The following PLXDC2 variants were observed in gnomAD, a reference collection of about 807,000 sequenced individuals.
PLXDC2 encodes the protein plexin domain-containing protein 2.
PLXDC2 carries 40 observed loss-of-function variants against 68.9 expected under a neutral mutation model. The observed-to-expected ratio is 0.58, with a 90% CI of 0.45 to 0.76. PLXDC2 has a LOEUF of 0.76. PLXDC2 is among the 30% of genes least tolerant of loss of function. The pLI is 0.00. For synonymous variants in PLXDC2, 243 were observed against 234.2 expected (o/e 1.04, Z -0.34); for missense variants, 644 against 661.9 (o/e 0.97, Z 0.30).
chr10:20,027,492 T>C (rs1835424133), intron 2 of PLXDC2, among the ~76,000 whole-genome samples: 1 of 152,116 alleles, frequency 6.6e-6, no homozygotes, highest in Admixed American at 6.6e-5. Context: ...CTTTGTAGCC[T>C]CCAGAACTGT....
intron 6 of PLXDC2, among the ~76,000 whole-genome samples, chr10:20,153,814 G>A (rs1183726582): frequency 6.6e-6 from 1 of 152,090 alleles, no homozygotes; most frequent in Non-Finnish European, 1.5e-5. Context: ...AAGCCCTAAG[G>A]CCTAGCTACT....
At chr10:20,019,313 C>T (rs1220937488) in intron 2 of PLXDC2, among the ~76,000 whole-genome samples, 1 of 152,072 alleles carries the variant, frequency 6.6e-6, no homozygotes, top group African/African-American at 2.4e-5. Context: ...GTAACTGGGT[C>T]CAGTGTAGAT....
At chr10:19,841,682 C>G (rs776741328) in intron 1 of PLXDC2, among the ~76,000 whole-genome samples, 1 of 151,900 alleles carries the variant, frequency 6.6e-6, no homozygotes, top group Non-Finnish European at 1.5e-5. Context: ...ATAAGAACCT[C>G]TACCTCATTC....
At chr10:20,002,017 A>G (rs777142633) in intron 2 of PLXDC2, 31 bp downstream of exon 2, 62 of 1,587,214 alleles carry the variant, frequency 3.9e-5, no homozygotes, top group Non-Finnish European at 4.9e-5. Context: ...ATTGAAATGG[A>G]TTAATGAATT....
intron 12 of PLXDC2, among the ~76,000 whole-genome samples, chr10:20,234,654 G>A (rs1429608320): frequency 6.8e-6 from 1 of 146,538 alleles, no homozygotes; most frequent in East Asian, 2.0e-4. Context: ...TTGTTTTCAG[G>A]GTTTCTTTCT....
intron 2 of PLXDC2, among the ~76,000 whole-genome samples, chr10:20,028,806 A>G (rs1256348623): frequency 1.3e-5 from 2 of 152,136 alleles, no homozygotes; most frequent in Non-Finnish European, 2.9e-5. Context: ...GTCTGATTAT[A>G]ATTTGTACCT....
chr10:20,026,476 G>A (rs74122134), intron 2 of PLXDC2, among the ~76,000 whole-genome samples: 3,308 of 152,232 alleles, frequency 0.022, 152 homozygotes, highest in African/African-American at 0.075. Context: ...GAAAAAATAA[G>A]TGAAGTGGTA....
chr10:20,074,242 G>A (rs1452381471), intron 4 of PLXDC2, among the ~76,000 whole-genome samples: 1 of 152,132 alleles, frequency 6.6e-6, no homozygotes, highest in African/African-American at 2.4e-5. Flanking sequence ...GATTTCATAA[G>A]AAAGCTGTTT....
At chr10:19,878,661 CT>C (rs2131348754) in intron 1 of PLXDC2, among the ~76,000 whole-genome samples, 1 of 152,260 alleles carries the variant, frequency 6.6e-6, no homozygotes, top group Non-Finnish European at 1.5e-5. Flanking sequence ...TTAATTGAAG[CT>C]CATATGGTTT....
At chr10:20,077,439 T>G (rs958593045) in intron 4 of PLXDC2, among the ~76,000 whole-genome samples, 1 of 152,198 alleles carries the variant, frequency 6.6e-6, no homozygotes. Context: ...AACTGAGACA[T>G]AGTCATAAAA....
At chr10:19,841,078 G>A (rs895574584) in intron 1 of PLXDC2, among the ~76,000 whole-genome samples, 14 of 152,086 alleles carry the variant, frequency 9.2e-5, no homozygotes, top group African/African-American at 3.4e-4. Flanking sequence ...AAACATTTGA[G>A]CATTTTTGAT....
intron 10 of PLXDC2, among the ~76,000 whole-genome samples, chr10:20,214,225 A>G (rs1330903923): frequency 6.6e-6 from 1 of 152,098 alleles, no homozygotes; most frequent in East Asian, 1.9e-4. Flanking sequence ...CATTATCTAA[A>G]ATTTTGGTGA....
intron 6 of PLXDC2, among the ~76,000 whole-genome samples, chr10:20,153,717 C>T (rs1040810249): frequency 3.9e-5 from 6 of 152,124 alleles, no homozygotes; most frequent in South Asian, 4.1e-4. Flanking sequence ...TTGTCATTTA[C>T]GGAAAAGGAA....
At chr10:19,928,813 G>C (rs1833581864) in intron 1 of PLXDC2, among the ~76,000 whole-genome samples, 1 of 145,044 alleles carries the variant, frequency 6.9e-6, no homozygotes, top group East Asian at 2.1e-4. Flanking sequence ...GGAGTACAGT[G>C]GCCCAATCTT....
At chr10:19,984,082 C>G (rs1258718959) in intron 1 of PLXDC2, among the ~76,000 whole-genome samples, 3 of 152,182 alleles carry the variant, frequency 2.0e-5, no homozygotes, top group Non-Finnish European at 4.4e-5. Context: ...CAAGAAAAAG[C>G]AGAAGCTACC....
At chr10:20,090,518 C>T (rs1833262454) in intron 4 of PLXDC2, among the ~76,000 whole-genome samples, 1 of 151,968 alleles carries the variant, frequency 6.6e-6, no homozygotes, top group South Asian at 2.1e-4. Context: ...CTTATTTTTC[C>T]AACTATATGC....
chr10:19,885,529 T>G (rs1408689758), intron 1 of PLXDC2, among the ~76,000 whole-genome samples: 1 of 152,270 alleles, frequency 6.6e-6, no homozygotes, highest in Non-Finnish European at 1.5e-5. Context: ...TTGATTTTTG[T>G]GTAAGGTGTA....
At chr10:20,213,263 G>T (rs1835092965) in intron 10 of PLXDC2, among the ~76,000 whole-genome samples, 1 of 151,712 alleles carries the variant, frequency 6.6e-6, no homozygotes, top group African/African-American at 2.4e-5. Flanking sequence ...AGTTTCGTGG[G>T]GTTTTTTTTC....
chr10:19,928,571 G>A (rs1345803231), intron 1 of PLXDC2, among the ~76,000 whole-genome samples: 5 of 152,060 alleles, frequency 3.3e-5, no homozygotes, highest in Non-Finnish European at 7.4e-5. Context: ...GGGGCACTTG[G>A]GAGACCATCC....
Sources: gnomAD v4.1 joint callset for allele counts (sites outside exome capture counted in the v4.1 genomes callset) on GRCh38, gnomAD v4.1.1 for gene constraint, MANE v1.5 for transcripts, NCBI Gene and HGNC (gene_info 2026-07-23, HGNC 2026-07-21) for gene names.